SPRED2: variants seen among roughly 807,000 people sequenced by gnomAD.
SPRED2 encodes the protein sprouty-related, EVH1 domain-containing protein 2.
SPRED2 carries 47 observed loss-of-function variants against 43.0 expected under a neutral mutation model. That is an observed-to-expected ratio of 1.09 (90% confidence interval 0.87 to 1.40). SPRED2 has a LOEUF of 1.40. Ranked by LOEUF, SPRED2 falls within the 40% of genes most tolerant of loss-of-function variation. SPRED2 has a pLI of 0.00. For missense variants in SPRED2, 561 were observed against 586.4 expected, an observed-to-expected ratio of 0.96 and a Z score of 0.45; for synonymous variants, 225 against 225.7, an observed-to-expected ratio of 1.00 and a Z score of 0.03.
intron 1 of SPRED2, among the ~76,000 whole-genome samples, chr2:65,424,903 T>C (rs1245985214): frequency 6.6e-6 from 1 of 150,698 alleles, no homozygotes; most frequent in Non-Finnish European, 1.5e-5. Context: ...AGATCAAGAG[T>C]CTGTTTCAAA....
At chr2:65,391,003 G>C (rs1298313193) in intron 1 of SPRED2, among the ~76,000 whole-genome samples, 4 of 150,956 alleles carry the variant, frequency 2.6e-5, no homozygotes, top group African/African-American at 9.8e-5. Context: ...TGGGAGAATC[G>C]CTTGAGCCTG....
rs182587440 is a variant in SPRED2 at position 65,386,233 on chromosome 2, C to T, written c.27-41337G>A. Among the ~76,000 whole-genome samples the T allele has an allele frequency of 4.2e-4, 59 of 140,702 alleles. No individual in the cohort carries two copies. The East Asian group carries it at 0.011, about 27-fold the overall frequency. The allele number at this position is 140,702 out of a possible 152,430, so 92.3% of individuals were successfully genotyped here. On this transcript the variant is annotated intron_variant, in intron 1 of 5. Transcript: ENST00000356388. ...CCGGGAGATGGAGGTTGCAGGGAGC[C>T]GAGATCGCGCCATTGCACTCCAGCC... is the stretch of plus-strand genomic sequence containing the variant.
intron 4 of SPRED2, among the ~76,000 whole-genome samples, chr2:65,331,612 T>C (rs112808670): frequency 2.3e-3 from 351 of 152,328 alleles, no homozygotes; most frequent in Middle Eastern, 0.01. Flanking sequence ...GGGCAAGCGA[T>C]TGTCCTGGCT....
intron 2 of SPRED2, among the ~76,000 whole-genome samples, chr2:65,337,636 A>G (rs986856979): frequency 6.6e-6 from 1 of 152,234 alleles, no homozygotes; most frequent in Non-Finnish European, 1.5e-5. Context: ...ATGTAGCCAC[A>G]CCTATAAGTT....
chr2:65,423,757 GCTAC>G (rs1676491547), intron 1 of SPRED2, among the ~76,000 whole-genome samples: 1 of 144,066 alleles, frequency 6.9e-6, no homozygotes, highest in Non-Finnish European at 1.5e-5. Flanking sequence ...TTTTACCAAG[GCTAC>G]CTCATTTATG....
In SPRED2 at chr2:65,344,783, A is replaced by G. The variant is rs1414347657; in HGVS notation, c.140T>C (p.Met47Thr). The change falls in exon 2 of 6, where the codon ATG (methionine) becomes ACG (threonine). Residue 47 changes from methionine (M) to threonine (T), a missense_variant. By Grantham distance (81) the Met-to-Thr change is moderately conservative. This residue lies in a region of SPRED2 where 305 missense variants were observed against 282.4 expected (regional missense o/e 1.08). Coordinates refer to ENST00000356388, the MANE Select transcript of SPRED2 (RefSeq NM_181784.3). ...GISRVGVCKV[M>T]HPEGNGRSGF... ...GCTTCGTCCATTGCCTTCGGGGTGC[A>G]TGACCTTACAGACCCCGACGCGACT... 3.1e-6 allele frequency: 5 copies of G among 1,614,086 alleles called. No individual in the cohort carries two copies. Among genetic ancestry groups the G allele is most frequent in the East Asian group, 2.2e-5 (1 of 44,904 alleles).
intron 1 of SPRED2, among the ~76,000 whole-genome samples, chr2:65,355,271 A>C (rs1674615963): frequency 1.3e-5 from 2 of 152,168 alleles, no homozygotes; most frequent in Admixed American, 6.5e-5. Context: ...AAATCACCTT[A>C]AAGAAGGCTC....
At chr2:65,362,330 C>A (rs545746291) in intron 1 of SPRED2, among the ~76,000 whole-genome samples, 1 of 151,908 alleles carries the variant, frequency 6.6e-6, no homozygotes, top group Non-Finnish European at 1.5e-5. Flanking sequence ...AGTGCAGTGG[C>A]GCGATCTGGG....
rs143714447 is a variant in SPRED2, at chr2:65,401,926, A to AGCGCGCGCGC, written c.26+30026_26+30035dup. Among the ~76,000 whole-genome samples, 516 of 121,920 alleles carry AGCGCGCGCGC rather than the reference A, an allele frequency of 4.2e-3. 9 individuals carry two copies. The highest frequency in any genetic ancestry group is 0.019 in the African/African-American group (470 of 25,334). The allele number at this position is 121,920 out of a possible 152,430, so 80.0% of individuals were successfully genotyped here. On this transcript the variant is annotated intron_variant, in intron 1 of 5. Transcript: ENST00000356388. ...TAAATTGTAAAACGATCAGAATATT[A>AGCGCGCGCGC]GCGCGCGCGCGCACACACACACACA...
intron 1 of SPRED2, among the ~76,000 whole-genome samples, chr2:65,406,612 T>C (rs757783692): frequency 5.3e-5 from 8 of 152,184 alleles, no homozygotes; most frequent in Non-Finnish European, 1.2e-4. Context: ...TTTTGGGAAG[T>C]AGGGGTGGAA....
intron 1 of SPRED2, among the ~76,000 whole-genome samples, chr2:65,402,170 T>A (rs1253220440): frequency 6.7e-6 from 1 of 148,724 alleles, no homozygotes; most frequent in Non-Finnish European, 1.5e-5. Context: ...TCACAGCTAC[T>A]CGGGAGCCTG....
chr2:65,310,514 A>T (rs1673041317), downstream of SPRED2, among the ~76,000 whole-genome samples: 1 of 150,472 alleles, frequency 6.6e-6, no homozygotes, highest in African/African-American at 2.5e-5. Context: ...CATATCCCTG[A>T]GGTTCAGCAG....
chr2:65,342,328 G>A, intron 2 of SPRED2, among the ~76,000 whole-genome samples: 1 of 137,896 alleles, frequency 7.3e-6, no homozygotes, highest in East Asian at 2.1e-4. Flanking sequence ...TGTATATTTT[G>A]TATACGTATA....
intron 1 of SPRED2, among the ~76,000 whole-genome samples, chr2:65,408,299 C>A (rs894693871): frequency 6.6e-6 from 1 of 152,234 alleles, no homozygotes; most frequent in Non-Finnish European, 1.5e-5. Flanking sequence ...TCACAAGCCT[C>A]ATACTATGAG....
intron 2 of SPRED2, among the ~76,000 whole-genome samples, chr2:65,342,220 AC>A: frequency 6.8e-6 from 1 of 147,002 alleles, no homozygotes; most frequent in East Asian, 1.9e-4. Context: ...TATTTTGTAT[AC>A]GTATATTATG....
At chr2:65,334,046 T>C in intron 3 of SPRED2, 1 of 352,260 alleles carries the variant, frequency 2.8e-6, no homozygotes, top group Non-Finnish European at 5.6e-6. Flanking sequence ...AAGCCCACCA[T>C]GAGAACTGAC....
At chr2:65,422,689 C>T (rs1290477192) in intron 1 of SPRED2, among the ~76,000 whole-genome samples, 1 of 152,146 alleles carries the variant, frequency 6.6e-6, no homozygotes, top group African/African-American at 2.4e-5. Context: ...CACCTATAAT[C>T]TAGTATCCCC....
rs796150762 is a variant in SPRED2, at chr2:65,336,376, C to T, written c.205-1603G>A. Among the ~76,000 whole-genome samples the T allele has an allele frequency of 7.9e-5, 12 of 151,994 alleles. 2 individuals carry two copies. Among genetic ancestry groups the T allele is most frequent in the African/African-American group, 2.9e-4 (12 of 41,452 alleles). ...TGTCTCAACAAAAGGAAAAAACAAA[C>T]GAGAAATAAATTAAGGGTTGTCTAA... is the stretch of plus-strand genomic sequence containing the variant. On this transcript the variant is annotated intron_variant, in intron 2 of 5. Coordinates refer to ENST00000356388, the MANE Select transcript of SPRED2 (RefSeq NM_181784.3).
At position 65,311,909 on chromosome 2, in the gene SPRED2, T is replaced by C; in HGVS notation, c.*1592A>G. The C allele has an allele frequency of 4.1e-6, 4 of 985,354 alleles. No homozygotes were observed. In the South Asian group the frequency reaches 1.4e-4, roughly 35 times the overall value. 61.0% of individuals were successfully genotyped at this position (985,354 alleles called of 1,614,324 possible). A position where few individuals can be genotyped will look rare whatever the true frequency, so the allele number is the denominator to read the frequency against. ...CCTTTCCTTGAAGACTGGTGTCCTG[T>C]GTGCAATAAAGAAGGAGTGGGGAAA... On this transcript the variant is annotated 3_prime_UTR_variant, in exon 6 of 6. Transcript: ENST00000356388.
Sources: gnomAD v4.1 joint callset for allele counts (sites outside exome capture counted in the v4.1 genomes callset) on GRCh38, gnomAD v4.1.1 for gene constraint, gnomAD v4.1.1 regional missense constraint, MANE v1.5 for transcripts, NCBI Gene and HGNC (gene_info 2026-07-23, HGNC 2026-07-21) for gene names.